The following TP53BP1 variants were observed in gnomAD, a reference collection of about 807,000 sequenced individuals.
TP53BP1 encodes TP53-binding protein 1.
TP53BP1 carries 61 observed loss-of-function variants against 200.8 expected under a neutral mutation model. The observed-to-expected ratio is 0.30, with a 90% CI of 0.25 to 0.38. The LOEUF is 0.38. TP53BP1 is among the 10% of genes least tolerant of loss of function. The pLI is 1.00. For synonymous variants in TP53BP1, 822 were observed against 844.3 expected (o/e 0.97, Z 0.46); for missense variants, 2,144 against 2,371.9 (o/e 0.90, Z 2.00).
At chr15:43,419,432 T>C (rs2045342223) in intron 21 of TP53BP1, among the ~76,000 whole-genome samples, 1 of 151,180 alleles carries the variant, frequency 6.6e-6, no homozygotes, top group African/African-American at 2.4e-5. Context: ...TGATCATAGC[T>C]CACTGTGGAC....
At chr15:43,438,278 T>C in intron 16 of TP53BP1, 46 bp downstream of exon 16, 3 of 1,557,042 alleles carry the variant, frequency 1.9e-6, no homozygotes, top group Non-Finnish European at 2.7e-6. Context: ...ACTAACCATT[T>C]TGTGAACCAA....
intron 12 of TP53BP1, among the ~76,000 whole-genome samples, chr15:43,451,152 T>A (rs1443186577): frequency 6.6e-6 from 1 of 152,198 alleles, no homozygotes; most frequent in Admixed American, 6.5e-5. Flanking sequence ...CATTCTGTCT[T>A]TTCAGACTGA....
chr15:43,480,902 A>C lies in TP53BP1; in HGVS notation c.492T>G (p.Gly164=). The change falls in exon 5 of 28, where the codon GGT becomes GGG. Residue 164 remains glycine (G), a synonymous_variant. Transcript: ENST00000382044. Reference sequence around the variant, plus strand: ...AAAAAAGCACAAGGCTACCTTCAGCACCAAGGGAATGTGTAGTATTGCCTG... The same window carrying C: ...AAAAAAGCACAAGGCTACCTTCAGCCCCAAGGGAATGTGTAGTATTGCCTG... ...DTSGNTTHSL[G]AEDTASSQLG... 6.2e-7 allele frequency: 1 copy of C among 1,614,162 alleles called. No individual in the cohort carries two copies. The highest frequency in any genetic ancestry group is 8.5e-7 in the Non-Finnish European group (1 of 1,180,008).
intron 12 of TP53BP1, among the ~76,000 whole-genome samples, chr15:43,453,450 T>C (rs2046219796): frequency 6.6e-6 from 1 of 152,144 alleles, no homozygotes; most frequent in Admixed American, 6.5e-5. Flanking sequence ...TAGTCTCACC[T>C]CTATCATTAA....
At chr15:43,487,783 C>CA (rs35455276) in intron 4 of TP53BP1, among the ~76,000 whole-genome samples, 121 of 93,630 alleles carry the variant, frequency 1.3e-3, no homozygotes, top group Non-Finnish European at 1.8e-3. Context: ...GACTCCATCT[C>CA]AAAAAAAAAA....
intron 21 of TP53BP1, chr15:43,417,142 A>G (rs2045283426): frequency 2.6e-5 from 4 of 152,284 alleles, no homozygotes; most frequent in Non-Finnish European, 2.9e-5. Context: ...CCTATCAATG[A>G]ATAAACAATT....
intron 11 of TP53BP1, among the ~76,000 whole-genome samples, chr15:43,459,509 G>C (rs1566947484): frequency 6.6e-6 from 1 of 152,020 alleles, no homozygotes; most frequent in Non-Finnish European, 1.5e-5. Context: ...TAAACAAATT[G>C]TGGATACACA....
At chr15:43,442,267 T>C (rs1045874946) in intron 14 of TP53BP1, among the ~76,000 whole-genome samples, 2 of 151,872 alleles carry the variant, frequency 1.3e-5, no homozygotes, top group African/African-American at 2.4e-5. Flanking sequence ...TTTGTATTTT[T>C]AGTCGAGACG....
chr15:43,509,536 G>A (rs1189557855), intron 1 of TP53BP1, among the ~76,000 whole-genome samples: 1 of 152,100 alleles, frequency 6.6e-6, no homozygotes, highest in Admixed American at 6.5e-5. Flanking sequence ...AGCCTCCCGA[G>A]TAGCTGGGAT....
In TP53BP1 at chr15:43,491,678, C is replaced by A. The variant is rs1486604460; in HGVS notation, c.362G>T (p.Arg121Met). 1 of 1,612,708 alleles carries A rather than the reference C, an allele frequency of 6.2e-7. No homozygotes were observed. The highest frequency in any genetic ancestry group is 1.1e-5 in the South Asian group (1 of 91,062). ...QVIEQLPQPN[R>M]TSSVLGMSVE... ...TTCAAACACTGTATACCTGCTTGTCCTGTTTGGCTGAGGTAACTGCTCAAT... is the reference window on the plus strand; with the variant it reads ...TTCAAACACTGTATACCTGCTTGTCATGTTTGGCTGAGGTAACTGCTCAAT... The change falls in exon 4 of 28, where the codon AGG becomes ATG. Residue 121 changes from arginine to methionine, a missense_variant. By Grantham distance (91) the Arg-to-Met change is moderately conservative (BLOSUM62 -1). This residue lies in a region of TP53BP1 where 1,700 missense variants were observed against 1,710.3 expected (regional missense o/e 0.99). Transcript: ENST00000382044.
chr15:43,438,275 A>G, intron 16 of TP53BP1, 49 bp downstream of exon 16: 1 of 1,547,112 alleles, frequency 6.5e-7, no homozygotes, highest in Non-Finnish European at 8.9e-7. Context: ...GGCACTAACC[A>G]TTTTGTGAAC....
At chr15:43,474,916 G>A (rs2046818935) in intron 9 of TP53BP1, 149 bp from the exon 10 acceptor site, 2 of 572,832 alleles carry the variant, frequency 3.5e-6, no homozygotes. Context: ...CCTGAGGCTG[G>A]TGGAAGAACC....
intron 18 of TP53BP1, among the ~76,000 whole-genome samples, chr15:43,426,461 G>T: frequency 8.6e-6 from 1 of 116,484 alleles, no homozygotes; most frequent in African/African-American, 4.5e-5. Context: ...AAAAAAAAAA[G>T]GAATAAAAAA....
intron 1 of TP53BP1, among the ~76,000 whole-genome samples, chr15:43,502,704 C>A (rs1023083352): frequency 6.6e-6 from 1 of 151,686 alleles, no homozygotes; most frequent in Non-Finnish European, 1.5e-5. Flanking sequence ...CATGATCTGC[C>A]CACCTTGGCC....
chr15:43,492,364 C>G lies in TP53BP1; in HGVS notation c.112G>C (p.Glu38Gln). The G allele has an allele frequency of 6.2e-7, 1 of 1,614,136 alleles. No homozygotes were observed. Among genetic ancestry groups the G allele is most frequent in the Non-Finnish European group, 8.5e-7 (1 of 1,179,974 alleles). The change falls in exon 2 of 28, where the codon GAG (glutamate) becomes CAG (glutamine). Residue 38 changes from glutamate (E) to glutamine (Q), a missense_variant. By Grantham distance (29) the Glu-to-Gln change is conservative (BLOSUM62 2). Transcript: ENST00000382044. Reference protein sequence around the residue: ...EDSQPESQVLEDDSGSHFSML... With the variant: ...EDSQPESQVLQDDSGSHFSML... ...CTGAAGTGAGAACCAGAATCATCCTCTAGAACCTGGCTTTCAGGCTGAGAA... is the reference window on the plus strand; with the variant it reads ...CTGAAGTGAGAACCAGAATCATCCTGTAGAACCTGGCTTTCAGGCTGAGAA...
At position 43,409,748 on chromosome 15, in the gene TP53BP1, TAAA is replaced by T; in HGVS notation, c.5306-10_5306-8del. The T allele has an allele frequency of 4.1e-6, 5 of 1,223,366 alleles. No homozygotes were observed. The highest frequency in any genetic ancestry group is 1.6e-5 in the African/African-American group (1 of 62,888). 75.8% of individuals were successfully genotyped at this position (1,223,366 alleles called of 1,614,324 possible). On this transcript the variant is annotated splice_region_variant and splice_polypyrimidine_tract_variant and intron_variant, in intron 24 of 27. Transcript: ENST00000382044. Reference sequence around the variant, plus strand: ...GGAGGAATTTCCAAAAATTCTATATTAAAAAAAAAAACCAAGATAATAATTACT... The same window carrying T: ...GGAGGAATTTCCAAAAATTCTATATTAAAAAAAACCAAGATAATAATTACT...
chr15:43,463,285 T>C (rs1377150317), intron 11 of TP53BP1, among the ~76,000 whole-genome samples: 8 of 152,302 alleles, frequency 5.3e-5, no homozygotes, highest in South Asian at 2.1e-4. Context: ...GGCTATGCAA[T>C]TGACAAGTTT....
At chr15:43,495,587 T>C (rs1246058732), upstream of TP53BP1, among the ~76,000 whole-genome samples, 1 of 141,522 alleles carries the variant, frequency 7.1e-6, no homozygotes, top group Non-Finnish European at 1.5e-5. Flanking sequence ...GGAGGCCAAG[T>C]CGGGCAGATC....
chr15:43,492,525 G>A, intron 1 of TP53BP1, 57 bp from the exon 2 acceptor site: 2 of 1,442,808 alleles, frequency 1.4e-6, no homozygotes, highest in Middle Eastern at 1.9e-4. Flanking sequence ...TGCTCACGCA[G>A]TCTAAACCTA....
Sources: gnomAD v4.1 joint callset for allele counts (sites outside exome capture counted in the v4.1 genomes callset) on GRCh38, gnomAD v4.1.1 for gene constraint, gnomAD v4.1.1 regional missense constraint, MANE v1.5 for transcripts, NCBI Gene and HGNC (gene_info 2026-07-23, HGNC 2026-07-21) for gene names.